The following CBFA2T2 variants were observed in gnomAD, a reference collection of about 807,000 sequenced individuals.
The protein encoded by CBFA2T2 is CBFA2/RUNX1 partner transcriptional co-repressor 2.
In CBFA2T2, 11 loss-of-function variants were observed where a neutral mutation model predicts 62.2. The ratio of observed to expected loss-of-function variants is 0.18; its 90% CI spans 0.11 to 0.29. The LOEUF is 0.29. Among genes scored for constraint, CBFA2T2 ranks in the 10% least tolerant of loss-of-function variants. The pLI, the probability that CBFA2T2 is intolerant of heterozygous loss-of-function variation, is 1.00. For synonymous variants in CBFA2T2, 295 were observed against 287.5 expected (o/e 1.03, Z -0.27); for missense variants, 592 against 774.1 (o/e 0.76, Z 2.79).
chr20:33,598,132 C>T (rs776723746), intron 1 of CBFA2T2, among the ~76,000 whole-genome samples: 1 of 152,142 alleles, frequency 6.6e-6, no homozygotes, highest in African/African-American at 2.4e-5. Context: ...GGCAAGATCA[C>T]AGGACCACAG....
intron 1 of CBFA2T2, among the ~76,000 whole-genome samples, chr20:33,494,260 TATATATATATATA>T (rs1212606278): frequency 2.6e-5 from 2 of 78,018 alleles, no homozygotes; most frequent in African/African-American, 1.1e-4. Context: ...TATATATATA[TATATATATATATA>T]TTTTTTTTTT....
intron 1 of CBFA2T2, among the ~76,000 whole-genome samples, chr20:33,540,740 C>A (rs2012390381): frequency 6.6e-6 from 1 of 152,082 alleles, no homozygotes; most frequent in South Asian, 2.1e-4. Flanking sequence ...ATAGTAAAAG[C>A]CGTAGTAATC....
intron 1 of CBFA2T2, among the ~76,000 whole-genome samples, chr20:33,604,056 C>T (rs1463471619): frequency 6.6e-6 from 1 of 152,166 alleles, no homozygotes; most frequent in Admixed American, 6.6e-5. Context: ...TCAAAAATGC[C>T]ACTTTACATT....
intron 1 of CBFA2T2, among the ~76,000 whole-genome samples, chr20:33,587,599 C>T (rs1472015573): frequency 6.6e-6 from 1 of 151,708 alleles, no homozygotes; most frequent in Admixed American, 6.6e-5. Flanking sequence ...CAGGGTTTCA[C>T]CATGTTGGCC....
chr20:33,600,866 C>G (rs764863237), intron 1 of CBFA2T2, among the ~76,000 whole-genome samples: 6 of 152,072 alleles, frequency 3.9e-5, no homozygotes, highest in Non-Finnish European at 7.4e-5. Context: ...TCCTCAAAAT[C>G]CAGGACCAAA....
intron 1 of CBFA2T2, among the ~76,000 whole-genome samples, chr20:33,493,081 T>G (rs921821331): frequency 9.6e-4 from 141 of 146,700 alleles, no homozygotes; most frequent in Middle Eastern, 6.8e-3. Flanking sequence ...TTTTTTTTTT[T>G]TTTTTTTTTT....
At chr20:33,498,650 G>A (rs1234978263) in intron 1 of CBFA2T2, among the ~76,000 whole-genome samples, 1 of 152,154 alleles carries the variant, frequency 6.6e-6, no homozygotes, top group Admixed American at 6.6e-5. Context: ...TCGGAAGGCT[G>A]AGGTAGGAGG....
intron 1 of CBFA2T2, among the ~76,000 whole-genome samples, chr20:33,510,182 G>A (rs958368437): frequency 6.6e-6 from 1 of 151,416 alleles, no homozygotes; most frequent in Non-Finnish European, 1.5e-5. Flanking sequence ...AGTATTCCAT[G>A]GTGTATATGT....
intron 7 of CBFA2T2, 113 bp from the exon 8 acceptor site, chr20:33,629,606 C>A: frequency 1.0e-6 from 1 of 968,340 alleles, no homozygotes; most frequent in Non-Finnish European, 1.6e-6. Context: ...CTTGATATTC[C>A]TAAATCTGTA....
At chr20:33,561,897 A>C (rs984888393) in intron 1 of CBFA2T2, among the ~76,000 whole-genome samples, 5 of 152,194 alleles carry the variant, frequency 3.3e-5, no homozygotes, top group African/African-American at 7.2e-5. Context: ...GCTTGTGTGA[A>C]TCATTTACAT....
At chr20:33,557,248 T>A in intron 1 of CBFA2T2, among the ~76,000 whole-genome samples, 1 of 151,842 alleles carries the variant, frequency 6.6e-6, no homozygotes, top group East Asian at 1.9e-4. Flanking sequence ...CTGCTGACCT[T>A]GTGATCCGCC....
chr20:33,607,268 C>T (rs2015377277), intron 2 of CBFA2T2, among the ~76,000 whole-genome samples, 169 bp downstream of exon 2: 1 of 152,164 alleles, frequency 6.6e-6, no homozygotes, highest in Admixed American at 6.5e-5. Context: ...TACTTTTACC[C>T]TCTGAGAATA....
intron 8 of CBFA2T2, 22 bp from the exon 9 acceptor site, chr20:33,636,618 G>T: frequency 1.2e-6 from 2 of 1,600,144 alleles, no homozygotes; most frequent in Non-Finnish European, 1.7e-6. Context: ...CTGACCCTAT[G>T]CTTTTTATGT....
At chr20:33,584,280 T>G (rs1260509750) in intron 1 of CBFA2T2, among the ~76,000 whole-genome samples, 1 of 150,620 alleles carries the variant, frequency 6.6e-6, no homozygotes, top group African/African-American at 2.4e-5. Context: ...CTTTTTTTTT[T>G]TTTGAGACAG....
chr20:33,509,391 C>T (rs935183183), intron 1 of CBFA2T2, among the ~76,000 whole-genome samples: 3 of 151,680 alleles, frequency 2.0e-5, no homozygotes, highest in South Asian at 4.2e-4. Context: ...AAAAAGAACA[C>T]GACACACTGA....
At chr20:33,611,390 A>C in intron 3 of CBFA2T2, 55 bp downstream of exon 3, 2 of 1,595,376 alleles carry the variant, frequency 1.3e-6, no homozygotes, top group Non-Finnish European at 1.7e-6. Flanking sequence ...CTCAGGTCCA[A>C]AGCGAGCAAA....
chr20:33,557,704 G>A (rs1449045836), intron 1 of CBFA2T2, among the ~76,000 whole-genome samples: 1 of 151,614 alleles, frequency 6.6e-6, no homozygotes, highest in Non-Finnish European at 1.5e-5. Flanking sequence ...ATGGGATCTT[G>A]GTATGTTGCC....
At chr20:33,623,952 T>TA (rs774357857) in intron 5 of CBFA2T2, 442 of 451,624 alleles carry the variant, frequency 9.8e-4, no homozygotes, top group Admixed American at 6.6e-3. Context: ...TAGAAAGAAT[T>TA]GGAAAAAAAA....
chr20:33,602,947 T>A (rs1314271288), intron 1 of CBFA2T2, among the ~76,000 whole-genome samples: 4 of 152,200 alleles, frequency 2.6e-5, no homozygotes, highest in African/African-American at 9.7e-5. Flanking sequence ...ACTAAGTGAC[T>A]TATGGTCGGG....
Sources: gnomAD v4.1 joint callset for allele counts (sites outside exome capture counted in the v4.1 genomes callset) on GRCh38, gnomAD v4.1.1 for gene constraint, MANE v1.5 for transcripts, NCBI Gene and HGNC (gene_info 2026-07-23, HGNC 2026-07-21) for gene names.